The following PTPRT variants were observed in gnomAD, a reference collection of about 807,000 sequenced individuals.
PTPRT encodes receptor-type tyrosine-protein phosphatase T.
In PTPRT, 56 loss-of-function variants were observed where a neutral mutation model predicts 176.8. The observed-to-expected ratio is 0.32, with a 90% CI of 0.26 to 0.40. PTPRT has a LOEUF of 0.40. PTPRT is among the 10% of genes least tolerant of loss of function. The pLI, the probability that PTPRT is intolerant of heterozygous loss-of-function variation, is 1.00. For synonymous variants in PTPRT, 783 were observed against 739.0 expected (o/e 1.06, Z -0.96); for missense variants, 1,540 against 1,908.2 (o/e 0.81, Z 3.60).
At chr20:43,148,367 C>T (rs2014238075) in intron 1 of PTPRT, among the ~76,000 whole-genome samples, 1 of 152,152 alleles carries the variant, frequency 6.6e-6, no homozygotes, top group African/African-American at 2.4e-5. Context: ...CCATCCCCAA[C>T]TTTTGAGGCC....
intron 11 of PTPRT, among the ~76,000 whole-genome samples, chr20:42,322,834 G>C (rs1375517265): frequency 1.3e-5 from 2 of 151,978 alleles, no homozygotes; most frequent in Non-Finnish European, 2.9e-5. Flanking sequence ...CCTACAAAAT[G>C]GGAGAAAATT....
chr20:42,722,213 G>C (rs1338316301), intron 6 of PTPRT, among the ~76,000 whole-genome samples: 1 of 152,036 alleles, frequency 6.6e-6, no homozygotes, highest in Non-Finnish European at 1.5e-5. Flanking sequence ...TCGGTGGGGT[G>C]GGGGGTGTCC....
At chr20:42,653,590 G>C (rs1308180694) in intron 7 of PTPRT, among the ~76,000 whole-genome samples, 1 of 152,226 alleles carries the variant, frequency 6.6e-6, no homozygotes, top group Non-Finnish European at 1.5e-5. Context: ...GGCCAGTCTA[G>C]TTGTGGAATT....
chr20:42,944,787 G>C (rs1362918130), intron 1 of PTPRT, among the ~76,000 whole-genome samples: 4 of 152,102 alleles, frequency 2.6e-5, no homozygotes, highest in Admixed American at 6.5e-5. Context: ...TAAGCACTTG[G>C]TTGGTTTTAG....
chr20:42,879,539 A>G (rs775075116), intron 2 of PTPRT, among the ~76,000 whole-genome samples: 2 of 152,164 alleles, frequency 1.3e-5, no homozygotes, highest in Non-Finnish European at 2.9e-5. Context: ...ACATTTACAG[A>G]TATCAGGGGT....
At chr20:43,107,943 C>T (rs1470461983) in intron 1 of PTPRT, among the ~76,000 whole-genome samples, 1 of 151,834 alleles carries the variant, frequency 6.6e-6, no homozygotes, top group Non-Finnish European at 1.5e-5. Context: ...ATTCCCAAAG[C>T]ACACTGACTT....
intron 9 of PTPRT, among the ~76,000 whole-genome samples, chr20:42,438,251 C>T (rs1196130782): frequency 6.6e-6 from 1 of 152,218 alleles, no homozygotes; most frequent in Non-Finnish European, 1.5e-5. Context: ...ACTGTAGATG[C>T]ATAGGATTCA....
chr20:42,243,978 T>C (rs757259753), intron 14 of PTPRT, among the ~76,000 whole-genome samples: 5 of 152,230 alleles, frequency 3.3e-5, no homozygotes, highest in African/African-American at 4.8e-5. Flanking sequence ...GGTTTGGAGC[T>C]GGCCTGGTAC....
intron 7 of PTPRT, among the ~76,000 whole-genome samples, chr20:42,572,173 G>T (rs1234503153): frequency 2.6e-5 from 4 of 152,050 alleles, no homozygotes; most frequent in African/African-American, 9.7e-5. Context: ...CTTTTACATG[G>T]GCACTAATCC....
chr20:42,846,395 T>C (rs2078372649), intron 2 of PTPRT, among the ~76,000 whole-genome samples: 1 of 152,114 alleles, frequency 6.6e-6, no homozygotes, highest in Admixed American at 6.5e-5. Context: ...GGCAAAAGCT[T>C]CCAAAGCACT....
chr20:42,889,962 T>A (rs527320192), intron 1 of PTPRT, among the ~76,000 whole-genome samples: 6 of 152,318 alleles, frequency 3.9e-5, no homozygotes, highest in Non-Finnish European at 7.4e-5. Context: ...CACTCTGTGT[T>A]TTTATAATAA....
chr20:42,517,724 A>G (rs1369126789), intron 7 of PTPRT, among the ~76,000 whole-genome samples: 1 of 151,942 alleles, frequency 6.6e-6, no homozygotes, highest in African/African-American at 2.4e-5. Flanking sequence ...TCCAATTTTC[A>G]CTGTGATTTC....
At chr20:42,409,744 T>C (rs2058995658) in intron 9 of PTPRT, among the ~76,000 whole-genome samples, 1 of 152,216 alleles carries the variant, frequency 6.6e-6, no homozygotes, top group African/African-American at 2.4e-5. Context: ...GGCATGGCCA[T>C]GGGCCAAATT....
At chr20:43,045,904 T>C (rs1007468786) in intron 1 of PTPRT, among the ~76,000 whole-genome samples, 3 of 152,116 alleles carry the variant, frequency 2.0e-5, no homozygotes, top group African/African-American at 4.8e-5. Context: ...TTAGATTCCA[T>C]AGCTAAGAAA....
chr20:42,173,070 C>T (rs764769626), intron 16 of PTPRT, among the ~76,000 whole-genome samples: 27 of 152,154 alleles, frequency 1.8e-4, no homozygotes, highest in Non-Finnish European at 2.8e-4. Context: ...ATTCCTTTGA[C>T]GGCCTTGCTC....
intron 16 of PTPRT, among the ~76,000 whole-genome samples, chr20:42,184,526 T>TTCTTCC (rs1555797933): frequency 5.6e-5 from 6 of 106,798 alleles, no homozygotes; most frequent in South Asian, 3.5e-4. Flanking sequence ...CTCCTTCTTC[T>TTCTTCC]TCTTCTTCCT....
At chr20:42,117,039 C>T (rs931636484) in intron 21 of PTPRT, among the ~76,000 whole-genome samples, 2 of 152,232 alleles carry the variant, frequency 1.3e-5, no homozygotes, top group South Asian at 2.1e-4. Context: ...CAGAGTCCAG[C>T]GTCAGATTTT....
chr20:42,402,779 G>A (rs566212710), intron 9 of PTPRT, among the ~76,000 whole-genome samples: 1 of 151,632 alleles, frequency 6.6e-6, no homozygotes, highest in Non-Finnish European at 1.5e-5. Flanking sequence ...GCCGCTTTGT[G>A]TTTTGCTCTC....
chr20:42,188,028 GCTC>G (rs1399975807), intron 16 of PTPRT, among the ~76,000 whole-genome samples: 1 of 152,148 alleles, frequency 6.6e-6, no homozygotes, highest in African/African-American at 2.4e-5. Context: ...CCCAGGCCAG[GCTC>G]CTCTGTTGAG....
Sources: gnomAD v4.1 joint callset for allele counts (sites outside exome capture counted in the v4.1 genomes callset) on GRCh38, gnomAD v4.1.1 for gene constraint, MANE v1.5 for transcripts, NCBI Gene and HGNC (gene_info 2026-07-23, HGNC 2026-07-21) for gene names.